The following NR5A2 variants were observed in gnomAD, a reference collection of about 807,000 sequenced individuals.
NR5A2 encodes the protein nuclear receptor subfamily 5 group A member 2.
In NR5A2, 26 loss-of-function variants were observed where a neutral mutation model predicts 62.7. That is an observed-to-expected ratio of 0.41 (90% CI 0.30 to 0.58). The LOEUF is 0.58. Among genes scored for constraint, NR5A2 ranks in the 20% least tolerant of loss-of-function variants. NR5A2 has a pLI of 0.22. For missense variants in NR5A2, 541 were observed against 669.1 expected (o/e 0.81, Z 2.11); for synonymous variants, 246 against 241.7 (o/e 1.02, Z -0.16).
intron 5 of NR5A2, among the ~76,000 whole-genome samples, chr1:200,083,017 A>G (rs902392185): frequency 2.0e-5 from 3 of 152,282 alleles, no homozygotes; most frequent in Non-Finnish European, 2.9e-5. Context: ...TTTAAAAATC[A>G]TAACACTTAT....
At chr1:200,056,601 A>T (rs1173542747) in intron 5 of NR5A2, among the ~76,000 whole-genome samples, 6 of 152,190 alleles carry the variant, frequency 3.9e-5, no homozygotes, top group Non-Finnish European at 7.3e-5. Context: ...ATACATTTAC[A>T]AACTGCAAAC....
chr1:200,110,472 C>G (rs920710765), intron 5 of NR5A2, among the ~76,000 whole-genome samples: 1 of 152,214 alleles, frequency 6.6e-6, no homozygotes, highest in African/African-American at 2.4e-5. Flanking sequence ...TAATGTAGCA[C>G]TTTTCATTGT....
At chr1:200,044,764 T>C (rs1472245322) in intron 3 of NR5A2, among the ~76,000 whole-genome samples, 1 of 152,120 alleles carries the variant, frequency 6.6e-6, no homozygotes, top group Non-Finnish European at 1.5e-5. Flanking sequence ...AGCTACACAT[T>C]TTATTTTTGA....
intron 5 of NR5A2, among the ~76,000 whole-genome samples, chr1:200,059,648 AACAC>A (rs199991607): frequency 2.0e-5 from 3 of 152,102 alleles, no homozygotes; most frequent in African/African-American, 7.2e-5. Context: ...CATGCACACA[AACAC>A]ACACAGAAAA....
chr1:200,048,670 A>G lies in NR5A2; in HGVS notation c.962A>G (p.Lys321Arg), dbSNP rs769216513. Residue 321 changes from lysine (K) to arginine (R), a missense_variant, in exon 5 of 8, where the codon AAA becomes AGA. Lys to Arg is a conservative substitution (Grantham distance 26, BLOSUM62 2). Coordinates refer to ENST00000367362, the MANE Select transcript of NR5A2 (RefSeq NM_205860.3). This position sits in a 1 kb window ranked among gnomAD's most constrained non-coding sequence, Gnocchi z 4.8. ...CCAGATGAGCCTCAAGTCCAGGCTA[A>G]AATCATGGCCTATTTGCAGCAAGAG... The part of the protein sequence containing the change: ...CEPDEPQVQA[K>R]IMAYLQQEQA... 1.9e-6 allele frequency: 3 copies of G among 1,614,118 alleles called. No homozygotes were observed. The highest frequency in any genetic ancestry group is 1.3e-5 in the African/African-American group (1 of 74,942).
At chr1:200,144,233 T>TCACACACA (rs60365337) in intron 7 of NR5A2, among the ~76,000 whole-genome samples, 255 of 80,090 alleles carry the variant, frequency 3.2e-3, no homozygotes, top group South Asian at 0.017. Context: ...TCTCTCTCTC[T>TCACACACA]CACACACACA....
intron 7 of NR5A2, among the ~76,000 whole-genome samples, chr1:200,150,858 C>A (rs1408578795): frequency 6.6e-6 from 1 of 152,206 alleles, no homozygotes; most frequent in Non-Finnish European, 1.5e-5. Context: ...AGGTCAGAAA[C>A]CGCTGCAGTG....
intron 7 of NR5A2, among the ~76,000 whole-genome samples, chr1:200,135,891 G>A (rs1374924562): frequency 6.6e-6 from 1 of 152,076 alleles, no homozygotes; most frequent in African/African-American, 2.4e-5. Context: ...TACAATCTTT[G>A]GTTTACAGAT....
At chr1:200,165,818 A>G (rs1042517077) in intron 7 of NR5A2, among the ~76,000 whole-genome samples, 1 of 152,196 alleles carries the variant, frequency 6.6e-6, no homozygotes, top group African/African-American at 2.4e-5. Flanking sequence ...ATCCCTATGC[A>G]TGTTTTTGTG....
chr1:200,043,775 G>A lies in NR5A2; in HGVS notation c.204G>A (p.Val68=), dbSNP rs759615030. ...EQGQMPENMQ[V]SQFKMVNYSY... ...TATACATTTCTCTTTTTGTTTCAGT[G>A]TCTCAATTTAAAATGGTGAATTACT... The change falls in exon 3 of 8, where the codon GTG becomes GTA. Residue 68 remains valine (V), a splice_region_variant and synonymous_variant. Transcript: ENST00000367362. 3.8e-5 allele frequency: 61 copies of A among 1,592,196 alleles called. No homozygotes were observed. Among genetic ancestry groups the A allele is most frequent in the Non-Finnish European group, 4.8e-5 (56 of 1,161,858 alleles).
intron 7 of NR5A2, among the ~76,000 whole-genome samples, chr1:200,123,030 G>A (rs1256030158): frequency 6.6e-6 from 1 of 152,124 alleles, no homozygotes; most frequent in Non-Finnish European, 1.5e-5. Context: ...GTGATTAAGG[G>A]TGAAATCATA....
At chr1:200,107,674 C>T (rs538356351) in intron 5 of NR5A2, among the ~76,000 whole-genome samples, 1 of 152,290 alleles carries the variant, frequency 6.6e-6, no homozygotes, top group South Asian at 2.1e-4. Flanking sequence ...GAGTCTTGTT[C>T]TGTCACCCAG....
At chr1:200,088,562 G>A (rs1271029732) in intron 5 of NR5A2, among the ~76,000 whole-genome samples, 1 of 152,086 alleles carries the variant, frequency 6.6e-6, no homozygotes, top group Non-Finnish European at 1.5e-5. Context: ...TGACCGCCCA[G>A]CCCCTTGTTA....
At chr1:200,042,193 C>G (rs1489436565) in intron 2 of NR5A2, among the ~76,000 whole-genome samples, 1 of 152,008 alleles carries the variant, frequency 6.6e-6, no homozygotes, top group Non-Finnish European at 1.5e-5. Context: ...CTCCTGCCTT[C>G]TCTGGAGCCT....
intron 5 of NR5A2, among the ~76,000 whole-genome samples, chr1:200,051,331 G>A (rs763988207): frequency 1.2e-4 from 19 of 152,202 alleles, no homozygotes; most frequent in Non-Finnish European, 2.4e-4. Flanking sequence ...AAGGCATTAA[G>A]AAGGCTGGGA....
intron 5 of NR5A2, among the ~76,000 whole-genome samples, chr1:200,098,333 T>C (rs1665198752): frequency 6.6e-6 from 1 of 151,906 alleles, no homozygotes; most frequent in African/African-American, 2.4e-5. Flanking sequence ...TTGGTATCTA[T>C]GGTTTTGTAT....
At chr1:200,071,914 C>T (rs1663755349) in intron 5 of NR5A2, among the ~76,000 whole-genome samples, 1 of 152,070 alleles carries the variant, frequency 6.6e-6, no homozygotes, top group Admixed American at 6.5e-5. Context: ...CACAAACTAC[C>T]TTGAGCTTTA....
Position 200,120,922 on chromosome 1 carries a change from G to A in NR5A2, c.1345G>A (p.Val449Ile), listed in dbSNP as rs750928806. The A allele has an allele frequency of 1.3e-5, 21 of 1,613,806 alleles. No homozygotes were observed. Among genetic ancestry groups the A allele is most frequent in the East Asian group, 2.2e-5 (1 of 44,856 alleles). Residue 449 changes from valine to isoleucine, a missense_variant, in exon 7 of 8, where the codon GTA becomes ATA. Transcript: ENST00000367362. ...RSLQFDQREFVCLKFLVLFSL... is the reference protein window; with the variant it reads ...RSLQFDQREFICLKFLVLFSL... ...TCTCCAGTTTGATCAACGAGAGTTC[G>A]TATGTCTGAAATTCTTGGTGCTCTT...
At chr1:200,132,412 C>A (rs1294409979) in intron 7 of NR5A2, among the ~76,000 whole-genome samples, 1 of 152,192 alleles carries the variant, frequency 6.6e-6, no homozygotes, top group Non-Finnish European at 1.5e-5. Context: ...CGTGGTACAC[C>A]AAGCGAAGAG....
Sources: gnomAD v4.1 joint callset for allele counts (sites outside exome capture counted in the v4.1 genomes callset) on GRCh38, gnomAD v4.1.1 for gene constraint, Gnocchi (gnomAD v3.1) non-coding constraint, MANE v1.5 for transcripts, NCBI Gene and HGNC (gene_info 2026-07-23, HGNC 2026-07-21) for gene names.